CRB1: variants seen among roughly 807,000 people sequenced by gnomAD.
CRB1 encodes crumbs cell polarity complex component 1.
In CRB1, 83 loss-of-function variants were observed where a neutral mutation model predicts 120.0. That is an observed-to-expected ratio of 0.69 (90% confidence interval 0.58 to 0.83). CRB1 has a LOEUF of 0.83. CRB1 is among the 40% of genes least tolerant of loss of function. The pLI, the probability that CRB1 is intolerant of heterozygous loss-of-function variation, is 0.00. For synonymous variants in CRB1, 625 were observed against 612.5 expected (o/e 1.02, Z -0.30); for missense variants, 1,699 against 1,687.6 (o/e 1.01, Z -0.12).
intron 1 of CRB1, among the ~76,000 whole-genome samples, chr1:197,294,845 G>C (rs1656424747): frequency 6.6e-6 from 1 of 152,080 alleles, no homozygotes; most frequent in Non-Finnish European, 1.5e-5. Context: ...TCATAGGCGG[G>C]AATTGAACAA....
chr1:197,210,732 A>G, the CRB1 span, among the ~76,000 whole-genome samples: 2 of 152,220 alleles, frequency 1.3e-5, no homozygotes, highest in East Asian at 3.9e-4. Context: ...ACCAACATCC[A>G]TGTCTCTAAG....
At chr1:197,317,519 G>GA (rs1223261723) in intron 1 of CRB1, among the ~76,000 whole-genome samples, 1 of 151,992 alleles carries the variant, frequency 6.6e-6, no homozygotes, top group Non-Finnish European at 1.5e-5. Context: ...TGCAACCACA[G>GA]AAGGCCCCAA....
chr1:197,272,087 C>T (rs1274093788), intron 1 of CRB1, among the ~76,000 whole-genome samples: 1 of 152,102 alleles, frequency 6.6e-6, no homozygotes, highest in East Asian at 1.9e-4. Flanking sequence ...GAATGAAGAA[C>T]AAATAGAGAT....
intron 1 of CRB1, among the ~76,000 whole-genome samples, chr1:197,284,167 A>T (rs917075507): frequency 6.6e-6 from 1 of 151,956 alleles, no homozygotes; most frequent in African/African-American, 2.4e-5. Flanking sequence ...ATTTATAGTC[A>T]GACTTGAGAT....
At position 197,373,539 on chromosome 1, in the gene CRB1, C is replaced by A. The variant is rs906812508; in HGVS notation, c.1171+16526C>A. On this transcript the variant is annotated intron_variant, in intron 5 of 11. Coordinates refer to ENST00000367400, the MANE Select transcript of CRB1 (RefSeq NM_201253.3). ...AAGTTTACATAATTTTTCTACCCAT[C>A]CATCTTGATCATTACCTAGGAGTTG... is the stretch of plus-strand genomic sequence containing the variant. 3.9e-5 allele frequency among the ~76,000 whole-genome samples: 6 copies of A among 152,124 alleles called. No individual in the cohort carries two copies. In the South Asian group the frequency reaches 1.2e-3, roughly 32 times the overall value.
chr1:197,334,198 A>G (rs1335012929), intron 2 of CRB1, among the ~76,000 whole-genome samples: 1 of 152,224 alleles, frequency 6.6e-6, no homozygotes, highest in South Asian at 2.1e-4. Flanking sequence ...AACCACTGAC[A>G]TAGACAGTTA....
In CRB1 at chr1:197,271,658, A is replaced by C. The variant is rs142542220; in HGVS notation, c.70+3176A>C. Reference sequence around the variant, plus strand: ...ATGTATTAAAAGAGAAACTTATTAGAGTGAGACTCTCCTGTGATCCATTAT... The same window carrying C: ...ATGTATTAAAAGAGAAACTTATTAGCGTGAGACTCTCCTGTGATCCATTAT... On this transcript the variant is annotated intron_variant, in intron 1 of 11. Coordinates refer to ENST00000367400, the MANE Select transcript of CRB1 (RefSeq NM_201253.3). Among the ~76,000 whole-genome samples, 877 of 152,294 alleles carry C rather than the reference A, an allele frequency of 5.8e-3. 8 individuals are homozygous for C. The highest frequency in any genetic ancestry group is 0.017 in the African/African-American group (727 of 41,564).
the CRB1 span, among the ~76,000 whole-genome samples, chr1:197,243,339 A>G: frequency 6.6e-6 from 1 of 152,104 alleles, no homozygotes; most frequent in Non-Finnish European, 1.5e-5. Context: ...CCCTCTAAAC[A>G]CTACTTTAGC....
intron 11 of CRB1, chr1:197,444,967 G>A (rs1923759): frequency 0.35 from 52,357 of 151,460 alleles, 10,077 homozygotes; most frequent in Middle Eastern, 0.48. Context: ...TTCCTGAATC[G>A]TGATCTCTTT....
chr1:197,397,796 G>A (rs771637561), intron 5 of CRB1, among the ~76,000 whole-genome samples: 1 of 152,140 alleles, frequency 6.6e-6, no homozygotes, highest in Non-Finnish European at 1.5e-5. Flanking sequence ...GTGTTGCTGG[G>A]AGCTGGAATT....
the CRB1 span, among the ~76,000 whole-genome samples, chr1:197,257,314 C>T: frequency 6.6e-6 from 1 of 152,110 alleles, no homozygotes; most frequent in Non-Finnish European, 1.5e-5. Flanking sequence ...GAGGGCAGAT[C>T]TTCTTTACTC....
intron 1 of CRB1, among the ~76,000 whole-genome samples, chr1:197,327,294 T>G (rs752829760): frequency 3.3e-5 from 5 of 152,162 alleles, no homozygotes; most frequent in Non-Finnish European, 7.4e-5. Flanking sequence ...TTCAGATTCT[T>G]GATTGATGAT....
At position 197,273,852 on chromosome 1, in the gene CRB1, T is replaced by C. The variant is rs556677568; in HGVS notation, c.70+5370T>C. Among the ~76,000 whole-genome samples, 5 of 152,154 alleles carry C rather than the reference T, an allele frequency of 3.3e-5. No homozygotes were observed. The East Asian group carries it at 9.7e-4, about 30-fold the overall frequency. On this transcript the variant is annotated intron_variant, in intron 1 of 11. Coordinates refer to ENST00000367400, the MANE Select transcript of CRB1 (RefSeq NM_201253.3). Reference sequence around the variant, plus strand: ...TCTTGTGTATTTCCTGACCCAATCCTAGCATAAATCACCATTTCTCCAAGG... The same window carrying C: ...TCTTGTGTATTTCCTGACCCAATCCCAGCATAAATCACCATTTCTCCAAGG...
At chr1:197,288,617 TAAG>T (rs1217450571) in intron 1 of CRB1, among the ~76,000 whole-genome samples, 1 of 151,824 alleles carries the variant, frequency 6.6e-6, no homozygotes, top group Non-Finnish European at 1.5e-5. Context: ...TTCAAAAAGT[TAAG>T]TAGAATTATG....
rs149189121 is a variant in CRB1 at position 197,380,797 on chromosome 1, T to C, written c.1171+23784T>C. On this transcript the variant is annotated intron_variant, in intron 5 of 11. Coordinates refer to ENST00000367400, the MANE Select transcript of CRB1 (RefSeq NM_201253.3). ...TTTGAATTCTCATAGTTGGCTCTTG[T>C]GTGCTTTGATCCATCCTGTCTGAGT... Among the ~76,000 whole-genome samples, 6 of 152,340 alleles carry C rather than the reference T, an allele frequency of 3.9e-5. No individual in the cohort carries two copies. In the East Asian group the frequency reaches 7.7e-4, roughly 20 times the overall value.
intron 4 of CRB1, among the ~76,000 whole-genome samples, chr1:197,353,657 C>T (rs542843383): frequency 2.0e-5 from 3 of 151,642 alleles, no homozygotes; most frequent in African/African-American, 4.8e-5. Flanking sequence ...AAAAATTAGC[C>T]GGGCATGGTG....
rs1660119048 is a variant in CRB1, at chr1:197,351,663, C to T, written c.988+4184C>T. ...GCAGGGAAATCTAGTGAGTAGATTC[C>T]TAGGTAGTTTGAAGAGATGAGCCTG... On this transcript the variant is annotated intron_variant, in intron 4 of 11. Coordinates refer to ENST00000367400, the MANE Select transcript of CRB1 (RefSeq NM_201253.3). Among the ~76,000 whole-genome samples, 3 of 152,064 alleles carry T rather than the reference C, an allele frequency of 2.0e-5. No homozygotes were observed. The South Asian group carries it at 6.2e-4, about 32-fold the overall frequency.
intron 5 of CRB1, among the ~76,000 whole-genome samples, chr1:197,358,455 A>G (rs1429213253): frequency 1.3e-5 from 2 of 152,224 alleles, no homozygotes; most frequent in African/African-American, 2.4e-5. Context: ...AGACAGTAGA[A>G]TGTTCCAGAA....
At chr1:197,397,241 T>A (rs999878848) in intron 5 of CRB1, among the ~76,000 whole-genome samples, 1 of 152,214 alleles carries the variant, frequency 6.6e-6, no homozygotes, top group African/African-American at 2.4e-5. Flanking sequence ...CTATTAACTA[T>A]TTTATATACA....
Sources: gnomAD v4.1 joint callset for allele counts (sites outside exome capture counted in the v4.1 genomes callset) on GRCh38, gnomAD v4.1.1 for gene constraint, MANE v1.5 for transcripts, NCBI Gene and HGNC (gene_info 2026-07-23, HGNC 2026-07-21) for gene names.